Variants in LUZP2 observed in about 807,000 individuals in gnomAD.
LUZP2 encodes leucine zipper protein 2.
A neutral mutation model predicts 51.6 loss-of-function variants in LUZP2; 52 were observed. The observed-to-expected ratio is 1.01, with a 90% CI of 0.81 to 1.27. The LOEUF (loss-of-function observed/expected upper bound fraction) is 1.27. Among genes scored for constraint, LUZP2 ranks in the 50% most tolerant of loss-of-function variants. LUZP2 has a pLI of 0.00. For missense variants in LUZP2, 436 were observed against 395.4 expected (o/e 1.10, Z -0.87); for synonymous variants, 154 against 137.3 (o/e 1.12, Z -0.85).
chr11:24,583,674 G>A (rs1300996387), intron 1 of LUZP2, among the ~76,000 whole-genome samples: 1 of 151,192 alleles, frequency 6.6e-6, no homozygotes, highest in Non-Finnish European at 1.5e-5. Context: ...AATTTTAAGT[G>A]AAGTAACCAG....
At chr11:24,912,163 T>C (rs922251856) in intron 6 of LUZP2, among the ~76,000 whole-genome samples, 3 of 151,554 alleles carry the variant, frequency 2.0e-5, no homozygotes, top group Non-Finnish European at 2.9e-5. Flanking sequence ...CTCTCTTTCC[T>C]CCTCTTTCCT....
At chr11:25,052,774 C>T (rs1367799428) in intron 10 of LUZP2, among the ~76,000 whole-genome samples, 5 of 151,150 alleles carry the variant, frequency 3.3e-5, no homozygotes, top group African/African-American at 9.8e-5. Context: ...TTTTAAATCA[C>T]AAAATAAAAT....
intron 9 of LUZP2, among the ~76,000 whole-genome samples, chr11:24,999,260 G>T (rs932531775): frequency 6.6e-6 from 1 of 151,994 alleles, no homozygotes; most frequent in African/African-American, 2.4e-5. Flanking sequence ...CAGCAGAAAT[G>T]ATAATTTCCA....
intron 5 of LUZP2, among the ~76,000 whole-genome samples, chr11:24,904,206 C>T (rs1022809661): frequency 4.6e-5 from 7 of 151,972 alleles, no homozygotes; most frequent in Non-Finnish European, 8.8e-5. Flanking sequence ...ATTTTCCTGA[C>T]GATTAGTAAT....
At chr11:24,646,028 T>C (rs962022830) in intron 1 of LUZP2, among the ~76,000 whole-genome samples, 2 of 152,070 alleles carry the variant, frequency 1.3e-5, no homozygotes, top group African/African-American at 4.8e-5. Flanking sequence ...CTGCCTCTCA[T>C]GAGTTGTGTG....
chr11:24,785,994 A>G (rs1262675914), intron 5 of LUZP2: 2 of 985,190 alleles, frequency 2.0e-6, no homozygotes, highest in African/African-American at 3.5e-5. Flanking sequence ...TTCACATTTG[A>G]CCCTTCAAGT....
At chr11:24,535,983 A>G (rs1411147557) in intron 1 of LUZP2, among the ~76,000 whole-genome samples, 2 of 151,726 alleles carry the variant, frequency 1.3e-5, no homozygotes, top group Non-Finnish European at 2.9e-5. Context: ...GTGTTAGCAG[A>G]CATAAAAGCA....
intron 1 of LUZP2, among the ~76,000 whole-genome samples, chr11:24,628,480 T>C (rs1324869624): frequency 6.6e-6 from 1 of 152,204 alleles, no homozygotes; most frequent in African/African-American, 2.4e-5. Flanking sequence ...TCCCGAGTTA[T>C]GTGCAGTTGA....
At chr11:25,047,612 A>G (rs1322581884) in intron 9 of LUZP2, among the ~76,000 whole-genome samples, 5 of 113,786 alleles carry the variant, frequency 4.4e-5, no homozygotes, top group Non-Finnish European at 1.0e-4. Flanking sequence ...CTTGTTCAGA[A>G]CATACAATTA....
chr11:24,786,615 A>C (rs1849252367), intron 5 of LUZP2: 1 of 190,522 alleles, frequency 5.2e-6, no homozygotes, highest in Non-Finnish European at 9.1e-6. Flanking sequence ...ATATTAATAA[A>C]TTATAATATA....
chr11:24,812,384 C>T (rs1415041187), intron 5 of LUZP2, among the ~76,000 whole-genome samples: 1 of 152,114 alleles, frequency 6.6e-6, no homozygotes, highest in Admixed American at 6.6e-5. Context: ...TCCCCTTCTG[C>T]TTCTCAGCTC....
chr11:24,891,791 G>A (rs1852862649), intron 5 of LUZP2: 1 of 968,718 alleles, frequency 1.0e-6, no homozygotes, highest in Non-Finnish European at 1.2e-6. Flanking sequence ...TACAAAGAGA[G>A]AACAGAGAAA....
At chr11:24,736,207 TTATC>T (rs564438576) in intron 3 of LUZP2, among the ~76,000 whole-genome samples, 255 of 146,882 alleles carry the variant, frequency 1.7e-3, no homozygotes, top group African/African-American at 5.7e-3. Context: ...CACACATACA[TTATC>T]TATCTATCTA....
chr11:25,073,493 G>A (rs947910533), intron 10 of LUZP2, among the ~76,000 whole-genome samples: 3 of 152,162 alleles, frequency 2.0e-5, no homozygotes, highest in Non-Finnish European at 2.9e-5. Context: ...CCTGGGTCTG[G>A]GCTGTGCCCA....
chr11:24,660,951 A>G (rs1183844758), intron 1 of LUZP2, among the ~76,000 whole-genome samples: 2 of 152,154 alleles, frequency 1.3e-5, no homozygotes, highest in Non-Finnish European at 2.9e-5. Flanking sequence ...GACACTTAAA[A>G]TCTATATTCT....
chr11:24,769,684 T>C (rs1860330540), intron 5 of LUZP2, among the ~76,000 whole-genome samples: 1 of 131,992 alleles, frequency 7.6e-6, no homozygotes, highest in Non-Finnish European at 1.6e-5. Context: ...TTTTCTTCTA[T>C]GGTGGTCTAT....
At chr11:24,926,591 GTA>G (rs528657237) in intron 7 of LUZP2, among the ~76,000 whole-genome samples, 98 of 146,048 alleles carry the variant, frequency 6.7e-4, no homozygotes, top group Admixed American at 1.4e-3. Flanking sequence ...ATATATGTGT[GTA>G]TATATATGTG....
chr11:24,958,917 A>C (rs1437171052), intron 7 of LUZP2, among the ~76,000 whole-genome samples: 1 of 152,068 alleles, frequency 6.6e-6, no homozygotes, highest in African/African-American at 2.4e-5. Context: ...ATCCATCTTG[A>C]ATTGATTTTT....
rs762685047 is a variant in LUZP2 at position 25,050,134 on chromosome 11, AG to A, written c.858+5del. 6.4e-7 allele frequency: 1 copy of A among 1,574,416 alleles called. No homozygotes were observed. Among genetic ancestry groups the A allele is most frequent in the Non-Finnish European group, 8.7e-7 (1 of 1,155,232 alleles). ...CACTGCCTGTGACTCTCAAGATGTAAGAAAAACTTAAGATGCTTTTTACAGT... is the reference window on the plus strand; with the variant it reads ...CACTGCCTGTGACTCTCAAGATGTAAAAAAACTTAAGATGCTTTTTACAGT... On this transcript the variant is annotated splice_donor_5th_base_variant and intron_variant, in intron 10 of 11. Coordinates refer to ENST00000336930, the MANE Select transcript of LUZP2 (RefSeq NM_001009909.4).
Sources: allele counts gnomAD v4.1 joint callset (sites outside exome capture counted in the v4.1 genomes callset), GRCh38; gene constraint gnomAD v4.1.1; transcripts MANE v1.5; gene names NCBI Gene and HGNC (gene_info 2026-07-23, HGNC 2026-07-21).